The following DNAH6 variants were observed in gnomAD, a reference collection of about 807,000 sequenced individuals.
DNAH6 encodes the protein axonemal beta dynein heavy chain 6.
A neutral mutation model predicts 491.4 loss-of-function variants in DNAH6; 340 were observed. The ratio of observed to expected loss-of-function variants is 0.69; its 90% CI spans 0.63 to 0.76. The LOEUF (loss-of-function observed/expected upper bound fraction) is 0.76. DNAH6 is among the 30% of genes least tolerant of loss of function. The probability of loss-of-function intolerance (pLI) is 0.00; values close to 1 mark genes in which losing one functional copy is unlikely to be tolerated. For missense variants in DNAH6, 4,443 were observed against 4,972.2 expected, an observed-to-expected ratio of 0.89 and a Z score of 3.20; for synonymous variants, 1,603 against 1,686.1, an observed-to-expected ratio of 0.95 and a Z score of 1.21.
At chr2:84,658,962 C>G in intron 36 of DNAH6, 64 bp from the exon 37 acceptor site, 1 of 1,006,586 alleles carries the variant, frequency 9.9e-7, no homozygotes, top group South Asian at 1.8e-5. Context: ...TTACACTTTG[C>G]AGCTTAGGAT....
At chr2:84,747,527 A>G (rs1162410324) in intron 63 of DNAH6, among the ~76,000 whole-genome samples, 1 of 152,188 alleles carries the variant, frequency 6.6e-6, no homozygotes, top group Admixed American at 6.5e-5. Context: ...CCCTGTCCCC[A>G]TGGCCTTTTG....
intron 56 of DNAH6, among the ~76,000 whole-genome samples, chr2:84,712,175 A>G (rs1322557213): frequency 6.6e-6 from 1 of 152,260 alleles, no homozygotes; most frequent in Non-Finnish European, 1.5e-5. Flanking sequence ...ATTCATGAGT[A>G]TGAAATCAGT....
chr2:84,515,060 G>A (rs1675500737), upstream of DNAH6, among the ~76,000 whole-genome samples: 1 of 152,168 alleles, frequency 6.6e-6, no homozygotes, highest in African/African-American at 2.4e-5. Flanking sequence ...CATCTGAAAT[G>A]AAATCTATTC....
At chr2:84,520,405 T>C (rs894017895) in intron 2 of DNAH6, among the ~76,000 whole-genome samples, 1 of 152,128 alleles carries the variant, frequency 6.6e-6, no homozygotes, top group Non-Finnish European at 1.5e-5. Flanking sequence ...ATGCAGCTAG[T>C]GTTTTTATGT....
chr2:84,481,266 A>T, the DNAH6 span, among the ~76,000 whole-genome samples: 122,923 of 152,158 alleles, frequency 0.81, 52,528 homozygotes, highest in Non-Finnish European at 0.93. Flanking sequence ...TATTTCATTT[A>T]CTCTATGATT....
At position 84,621,308 on chromosome 2, in the gene DNAH6, CAG is replaced by C. The variant is rs1687373182; in HGVS notation, c.3911_3912del (p.Gln1304ArgfsTer28). ...RLCKAAIADYQGKLRTDWVVA... is the reference protein window; with the variant it reads ...RLCKAAIADYXGKLRTDWVVA... ...GTGCAAAGCTGCCATCGCTGACTAT[CAG>C]GGGAAACTGAGGACAGACTGGGTGG... On this transcript the variant is annotated frameshift_variant, in exon 25 of 77. Transcript: ENST00000389394. LOFTEE classifies it high-confidence loss of function. 5.2e-6 allele frequency: 8 copies of C among 1,551,488 alleles called. No homozygotes were observed. Among genetic ancestry groups the C allele is most frequent in the East Asian group, 2.4e-5 (1 of 40,934 alleles).
chr2:84,484,631 T>TG, the DNAH6 span, among the ~76,000 whole-genome samples: 1 of 152,288 alleles, frequency 6.6e-6, no homozygotes, highest in South Asian at 2.1e-4. Flanking sequence ...ACCATTCTCT[T>TG]GTAGTCACAT....
At position 84,606,999 on chromosome 2, in the gene DNAH6, C is replaced by T; in HGVS notation, c.3198C>T (p.Ile1066=). 1 of 1,551,148 alleles carries T rather than the reference C, an allele frequency of 6.4e-7. No homozygotes were observed. Among genetic ancestry groups the T allele is most frequent in the Non-Finnish European group, 8.7e-7 (1 of 1,146,618 alleles). ...AGGTCCTTCTTGATGATAGCACCAT[C>T]AATGTTGCAACTCTTGCCTCATCAC... ...DIQVLLDDST[I]NVATLASSRY... is the part of the protein sequence containing the mutation. Residue 1066 remains isoleucine (I), a synonymous_variant, in exon 21 of 77, where the codon ATC becomes ATT. Transcript: ENST00000389394.
At position 84,722,758 on chromosome 2, in the gene DNAH6, C is replaced by T. The variant is rs1013401110; in HGVS notation, c.9926C>T (p.Ser3309Leu). 4 of 1,536,626 alleles carry T rather than the reference C, an allele frequency of 2.6e-6. No individual in the cohort carries two copies. In the African/African-American group the frequency reaches 4.2e-5, roughly 16 times the overall value. ...SVMYFVIASLSEIDPMYQYSL... is the reference protein window; with the variant it reads ...SVMYFVIASLLEIDPMYQYSL... ...ATGTACTTTGTCATTGCAAGCCTCT[C>T]AGAAATAGATCCTATGTACCAGTAC... is the stretch of plus-strand genomic sequence containing the variant. Residue 3309 changes from serine to leucine, a missense_variant, in exon 60 of 77, where the codon TCA becomes TTA. Physicochemically the swap from Ser to Leu is moderately radical, Grantham distance 145. Transcript: ENST00000389394.
chr2:84,779,519 C>T (rs1042368571), intron 64 of DNAH6, among the ~76,000 whole-genome samples: 1 of 152,150 alleles, frequency 6.6e-6, no homozygotes, highest in African/African-American at 2.4e-5. Flanking sequence ...TTACTTTGAG[C>T]CTATTGGTTT....
intron 45 of DNAH6, among the ~76,000 whole-genome samples, chr2:84,693,208 AT>A (rs530667215): frequency 4.0e-4 from 61 of 151,190 alleles, no homozygotes; most frequent in African/African-American, 1.4e-3. Context: ...CTTATCTTCC[AT>A]TTTCTCTCCC....
At chr2:84,550,318 A>G (rs1469714830) in intron 9 of DNAH6, among the ~76,000 whole-genome samples, 1 of 152,032 alleles carries the variant, frequency 6.6e-6, no homozygotes, top group Non-Finnish European at 1.5e-5. Context: ...GGAGCATGCA[A>G]CCTAGATCCC....
chr2:84,476,351 C>T, the DNAH6 span, among the ~76,000 whole-genome samples: 1 of 152,168 alleles, frequency 6.6e-6, no homozygotes, highest in South Asian at 2.1e-4. Context: ...CCACCAATTG[C>T]TCCAGGTTTT....
At chr2:84,478,428 AC>A in the DNAH6 span, among the ~76,000 whole-genome samples, 21 of 152,018 alleles carry the variant, frequency 1.4e-4, no homozygotes, top group Admixed American at 1.3e-3. Flanking sequence ...TCTGAAATGC[AC>A]CTACAGGGCC....
chr2:84,714,682 C>G (rs1336905612), intron 57 of DNAH6, among the ~76,000 whole-genome samples: 1 of 151,634 alleles, frequency 6.6e-6, no homozygotes, highest in Non-Finnish European at 1.5e-5. Context: ...GAAGTGTGAC[C>G]AACGTGCCAA....
intron 15 of DNAH6, among the ~76,000 whole-genome samples, chr2:84,585,899 T>C (rs919711380): frequency 6.6e-6 from 1 of 152,160 alleles, no homozygotes; most frequent in African/African-American, 2.4e-5. Context: ...CACAAGTTCC[T>C]ACACTGGTCT....
At chr2:84,488,992 A>G in the DNAH6 span, among the ~76,000 whole-genome samples, 1 of 152,156 alleles carries the variant, frequency 6.6e-6, no homozygotes, top group Non-Finnish European at 1.5e-5. Context: ...AGCTTTATCA[A>G]TGATAAAGAT....
rs748219245 is a variant in DNAH6, at chr2:84,552,985, T to C, written c.1553T>C (p.Met518Thr). ...SLIPMFLTEL[M>T]LTVQSLLFEP... ...ATCCCCATGTTTCTCACAGAACTAA[T>C]GTTGACAGTCCAGTCACTGCTCTTT... is the stretch of plus-strand genomic sequence containing the variant. The change falls in exon 10 of 77, where the codon ATG becomes ACG. Residue 518 changes from methionine to threonine, a missense_variant. Met to Thr is a moderately conservative substitution (Grantham distance 81). Transcript: ENST00000389394. 1 of 1,612,162 alleles carries C rather than the reference T, an allele frequency of 6.2e-7. No homozygotes were observed. The highest frequency in any genetic ancestry group is 1.7e-5 in the Admixed American group (1 of 59,648).
At chr2:84,482,568 C>T in the DNAH6 span, among the ~76,000 whole-genome samples, 1 of 152,250 alleles carries the variant, frequency 6.6e-6, no homozygotes, top group Admixed American at 6.5e-5. Context: ...AGCCTTAAGA[C>T]AGTCCGAGGG....
Sources: allele counts gnomAD v4.1 joint callset (sites outside exome capture counted in the v4.1 genomes callset), GRCh38; gene constraint gnomAD v4.1.1; transcripts MANE v1.5; gene names NCBI Gene and HGNC (gene_info 2026-07-23, HGNC 2026-07-21).